Variants in IRAG2 observed in about 807,000 individuals in gnomAD.
IRAG2 encodes lymphoid restricted membrane protein.
IRAG2 carries 45 observed loss-of-function variants against 69.9 expected under a neutral mutation model. That is an observed-to-expected ratio of 0.64 (90% confidence interval 0.51 to 0.83). IRAG2 has a LOEUF of 0.83. Ranked by LOEUF, IRAG2 falls within the 40% of genes least tolerant of loss-of-function variation. The probability of loss-of-function intolerance (pLI) is 0.00; values close to 1 mark genes in which losing one functional copy is unlikely to be tolerated. For missense variants in IRAG2, 520 were observed against 587.0 expected (o/e 0.89, Z 1.18); for synonymous variants, 193 against 202.4 (o/e 0.95, Z 0.40).
chr12:25,050,023 C>G (rs78540727), upstream of IRAG2, among the ~76,000 whole-genome samples: 1 of 136,586 alleles, frequency 7.3e-6, no homozygotes, highest in African/African-American at 2.7e-5. Context: ...CTCGGGAGGC[C>G]GAGGCAGGAG....
At chr12:25,089,008 CTG>C (rs908659748) in intron 11 of IRAG2, among the ~76,000 whole-genome samples, 6 of 152,106 alleles carry the variant, frequency 3.9e-5, no homozygotes, top group East Asian at 1.9e-4. Context: ...GCTCACATAA[CTG>C]TAAGATTCAA....
chr12:25,088,220 G>T, intron 11 of IRAG2, 63 bp downstream of exon 11: 1 of 1,342,648 alleles, frequency 7.4e-7, no homozygotes, highest in Admixed American at 1.7e-5. Context: ...TTTTGTGGGT[G>T]AAATCTGTCT....
intron 10 of IRAG2, among the ~76,000 whole-genome samples, chr12:25,085,216 G>A (rs1191578732): frequency 1.3e-5 from 2 of 152,240 alleles, no homozygotes; most frequent in African/African-American, 2.4e-5. Flanking sequence ...CTGAGCTGTC[G>A]CTCAGTGTCC....
At position 25,079,304 on chromosome 12, in the gene IRAG2, T is replaced by A. The variant is rs767497606; in HGVS notation, c.71+14T>A. 2 of 1,613,760 alleles carry A rather than the reference T, an allele frequency of 1.2e-6. No homozygotes were observed. The highest frequency in any genetic ancestry group is 2.2e-5 in the South Asian group (2 of 91,080). ...GCTGCAGTCCAGGTTTGCTTGTTTG[T>A]GTTGTGTGTGTGAATTTGTATGCAT... On this transcript the variant is annotated intron_variant, in intron 7 of 21. Transcript: ENST00000556887.
chr12:25,061,643 T>G lies in IRAG2; in HGVS notation c.-395T>G, dbSNP rs187727545. On this transcript the variant is annotated 5_prime_UTR_variant, in exon 2 of 22. Transcript: ENST00000556887. ...TTCATTGAAGGGGAACACCATGGCTTGCTGTTTCAGGTAAAATATCTCTGA... is the reference window on the plus strand; with the variant it reads ...TTCATTGAAGGGGAACACCATGGCTGGCTGTTTCAGGTAAAATATCTCTGA... 5 of 398,626 alleles carry G rather than the reference T, an allele frequency of 1.3e-5. No homozygotes were observed. The Admixed American group carries it at 2.2e-4, about 18-fold the overall frequency. 24.7% of individuals were successfully genotyped at this position (398,626 alleles called of 1,614,324 possible).
chr12:25,052,814 A>C lies in IRAG2; in HGVS notation c.-589A>C. On this transcript the variant is annotated 5_prime_UTR_variant, in exon 1 of 22. Coordinates refer to ENST00000556887, the MANE Select transcript of IRAG2 (RefSeq NM_001366544.2). ...TCCAGGGTAAGGATCGAGATCGAGA[A>C]GCCCACACTGCCAGTGAAAAAGCTA... 2 of 398,546 alleles carry C rather than the reference A, an allele frequency of 5.0e-6. No homozygotes were observed. The highest frequency in any genetic ancestry group is 1.3e-4 in the South Asian group (1 of 7,860). 24.7% of individuals were successfully genotyped at this position (398,546 alleles called of 1,614,324 possible). A position where few individuals can be genotyped will look rare whatever the true frequency, so the allele number is the denominator to read the frequency against.
At chr12:25,039,435 T>G (rs1174158226) in intron 16 of IRAG2, among the ~76,000 whole-genome samples, 1 of 152,118 alleles carries the variant, frequency 6.6e-6, no homozygotes, top group African/African-American at 2.4e-5. Flanking sequence ...AGCGTCAACA[T>G]TCTTCTTTTT....
intron 7 of IRAG2, chr12:25,021,026 C>T: frequency 2.3e-6 from 1 of 439,406 alleles, no homozygotes; most frequent in Non-Finnish European, 3.8e-6. Context: ...ATTGGTAACA[C>T]TTTAGAAAAG....
chr12:25,093,884 C>G lies in IRAG2; in HGVS notation c.607-3026C>G, dbSNP rs970034177. 5.2e-5 allele frequency: 8 copies of G among 152,922 alleles called. No individual in the cohort carries two copies. In the Admixed American group the frequency reaches 5.2e-4, roughly 10 times the overall value. 9.5% of individuals were successfully genotyped at this position (152,922 alleles called of 1,614,324 possible). A position where few individuals can be genotyped will look rare whatever the true frequency, so the allele number is the denominator to read the frequency against. ...ACCTGCATGCCCGGGAGGCTGCACT[C>G]AATGTGGCAGGGCCATCAGGCCACT... On this transcript the variant is annotated intron_variant, in intron 14 of 21. Transcript: ENST00000556887.
At chr12:25,020,708 A>G in intron 6 of IRAG2, 1 of 599,656 alleles carries the variant, frequency 1.7e-6, no homozygotes, top group Non-Finnish European at 2.4e-6. Context: ...ACTTGGGTCC[A>G]AAATAGTCCT....
chr12:25,062,734 A>G (rs1945708874), intron 2 of IRAG2, 86 bp from the exon 3 acceptor site: 1 of 397,778 alleles, frequency 2.5e-6, no homozygotes, highest in South Asian at 1.3e-4. Flanking sequence ...GTAGTGTCAT[A>G]TCTTCTATTA....
intron 9 of IRAG2, among the ~76,000 whole-genome samples, chr12:25,082,271 A>T (rs570413974): frequency 7.9e-5 from 12 of 152,300 alleles, no homozygotes; most frequent in African/African-American, 2.9e-4. Context: ...TTTATGAACC[A>T]TATGAATCTA....
intron 3 of IRAG2, 146 bp downstream of exon 3, chr12:25,063,046 T>C: frequency 2.5e-6 from 1 of 393,052 alleles, no homozygotes; most frequent in Non-Finnish European, 4.5e-6. Context: ...AGGCAACAGA[T>C]ACGTGTTTTT....
chr12:25,027,816 C>T (rs1407411876), intron 9 of IRAG2, among the ~76,000 whole-genome samples: 1 of 152,154 alleles, frequency 6.6e-6, no homozygotes, highest in Non-Finnish European at 1.5e-5. Context: ...GAATCGTCTG[C>T]TATGAACATT....
chr12:25,077,470 T>G (rs529269621), intron 6 of IRAG2, among the ~76,000 whole-genome samples: 4 of 148,576 alleles, frequency 2.7e-5, no homozygotes, highest in Non-Finnish European at 5.9e-5. Flanking sequence ...TATTTTAAAA[T>G]AGGGCCATTA....
intron 7 of IRAG2, among the ~76,000 whole-genome samples, chr12:25,023,215 T>C (rs1944596761): frequency 1.3e-5 from 2 of 152,154 alleles, no homozygotes; most frequent in African/African-American, 2.4e-5. Flanking sequence ...CAGGTGTTTA[T>C]TATTGTGTCA....
chr12:25,046,677 A>G (rs979846750), intron 16 of IRAG2, among the ~76,000 whole-genome samples: 2 of 152,114 alleles, frequency 1.3e-5, no homozygotes, highest in African/African-American at 4.8e-5. Context: ...GAAATTAAAG[A>G]AGACACAAAT....
intron 1 of IRAG2, chr12:25,004,920 A>T (rs1944419460): frequency 1.6e-6 from 2 of 1,226,664 alleles, no homozygotes; most frequent in Non-Finnish European, 2.0e-6. Flanking sequence ...AAGATGGTAA[A>T]TATTCATCTT....
At chr12:25,002,736 T>A (rs999802536), upstream of IRAG2, among the ~76,000 whole-genome samples, 4 of 151,592 alleles carry the variant, frequency 2.6e-5, no homozygotes, top group Non-Finnish European at 5.9e-5. Flanking sequence ...CTGCCTCCAA[T>A]GTTGAAGCGA....
Sources: gnomAD v4.1 joint callset for allele counts (sites outside exome capture counted in the v4.1 genomes callset) on GRCh38, gnomAD v4.1.1 for gene constraint, MANE v1.5 for transcripts, NCBI Gene and HGNC (gene_info 2026-07-23, HGNC 2026-07-21) for gene names.